The following NRP1 variants were observed in gnomAD, a reference collection of about 807,000 sequenced individuals.
NRP1 encodes neuropilin 1, also known as neuropilin-1.
Under a neutral mutation model 106.7 loss-of-function variants are expected in NRP1, and 35 were observed. That is an observed-to-expected ratio of 0.33 (90% CI 0.25 to 0.43). NRP1 has a LOEUF of 0.43. Among genes scored for constraint, NRP1 ranks in the 20% least tolerant of loss-of-function variants. The probability of loss-of-function intolerance (pLI) is 1.00; values close to 1 mark genes in which losing one functional copy is unlikely to be tolerated. For missense variants in NRP1, 1,024 were observed against 1,170.4 expected, an observed-to-expected ratio of 0.87 and a Z score of 1.83; for synonymous variants, 437 against 417.9, an observed-to-expected ratio of 1.05 and a Z score of -0.56.
chr10:33,221,150 G>A (rs1839212688), intron 8 of NRP1, among the ~76,000 whole-genome samples: 1 of 152,260 alleles, frequency 6.6e-6, no homozygotes, highest in Non-Finnish European at 1.5e-5. Flanking sequence ...GGTTGAGGGT[G>A]CAGTGAGCTA....
chr10:33,310,047 A>C (rs1036334435), intron 2 of NRP1, among the ~76,000 whole-genome samples: 3 of 150,032 alleles, frequency 2.0e-5, no homozygotes. Context: ...TCCCGGGTTC[A>C]CGCCATTCTC....
chr10:33,328,656 C>G (rs1180136460), intron 2 of NRP1, among the ~76,000 whole-genome samples: 1 of 152,182 alleles, frequency 6.6e-6, no homozygotes, highest in Non-Finnish European at 1.5e-5. Flanking sequence ...CTCATAAGAA[C>G]CAACTGTGCA....
At chr10:33,297,927 A>G (rs140175122) in intron 2 of NRP1, among the ~76,000 whole-genome samples, 1 of 150,670 alleles carries the variant, frequency 6.6e-6, no homozygotes, top group African/African-American at 2.5e-5. Context: ...GAAAAAAAAA[A>G]TCCCCTGGAA....
chr10:33,290,972 T>C (rs1844952731), intron 2 of NRP1, among the ~76,000 whole-genome samples: 1 of 152,170 alleles, frequency 6.6e-6, no homozygotes, highest in South Asian at 2.1e-4. Flanking sequence ...CAGCCCTGCG[T>C]GTTCTTTGCC....
chr10:33,287,872 A>G (rs551221993), intron 2 of NRP1, among the ~76,000 whole-genome samples: 1 of 152,224 alleles, frequency 6.6e-6, no homozygotes, highest in East Asian at 1.9e-4. Context: ...GCTGAAGATC[A>G]TTTGAGGACA....
At chr10:33,307,244 G>A (rs1446550502) in intron 2 of NRP1, among the ~76,000 whole-genome samples, 1 of 152,166 alleles carries the variant, frequency 6.6e-6, no homozygotes, top group East Asian at 1.9e-4. Context: ...TTAAGACAGA[G>A]GTCAGCAAAC....
intron 6 of NRP1, among the ~76,000 whole-genome samples, chr10:33,244,162 G>A (rs1564416944): frequency 6.6e-6 from 1 of 152,124 alleles, no homozygotes; most frequent in African/African-American, 2.4e-5. Context: ...GGAGAAGGTG[G>A]CTGTGGATGT....
At chr10:33,257,722 G>C (rs752581904) in intron 4 of NRP1, among the ~76,000 whole-genome samples, 1 of 152,128 alleles carries the variant, frequency 6.6e-6, no homozygotes. Context: ...TGAGTAAACT[G>C]GAAATTGCCT....
chr10:33,213,084 C>T, intron 9 of NRP1: 1 of 673,894 alleles, frequency 1.5e-6, no homozygotes. Flanking sequence ...TGAGCGCTGG[C>T]TGGATGGCTG....
At chr10:33,267,096 C>T (rs1272948579) in intron 3 of NRP1, among the ~76,000 whole-genome samples, 1 of 152,162 alleles carries the variant, frequency 6.6e-6, no homozygotes, top group Non-Finnish European at 1.5e-5. Context: ...TGCTCCTGCT[C>T]CGGCCATTGT....
chr10:33,236,264 T>C (rs1840546779), intron 6 of NRP1, among the ~76,000 whole-genome samples: 1 of 152,176 alleles, frequency 6.6e-6, no homozygotes, highest in Admixed American at 6.5e-5. Context: ...TATGCTACAG[T>C]TTTAAAACAA....
At chr10:33,305,421 G>A (rs1846079678) in intron 2 of NRP1, among the ~76,000 whole-genome samples, 1 of 152,160 alleles carries the variant, frequency 6.6e-6, no homozygotes, top group South Asian at 2.1e-4. Context: ...GCTGCAAAAT[G>A]GGTGCATGCA....
intron 3 of NRP1, among the ~76,000 whole-genome samples, chr10:33,270,076 A>G (rs7907166): frequency 0.63 from 96,030 of 151,962 alleles, 30,910 homozygotes; most frequent in African/African-American, 0.74. Context: ...CTGGTCCCTG[A>G]TGCCAAAAAG....
chr10:33,266,458 A>T (rs10827223), intron 3 of NRP1, among the ~76,000 whole-genome samples: 24,354 of 152,120 alleles, frequency 0.16, 2,239 homozygotes, highest in East Asian at 0.47. Context: ...GAATTTGAAA[A>T]CTAAAATCTC....
Position 33,249,515 on chromosome 10 carries a change from C to A in NRP1, c.981+4513G>T, listed in dbSNP as rs564687837. 7 of 531,140 alleles carry A rather than the reference C, an allele frequency of 1.3e-5. No homozygotes were observed. In the Admixed American group the frequency reaches 1.4e-4, roughly 10 times the overall value. The allele number at this position is 531,140 out of a possible 1,614,324, so 32.9% of individuals were successfully genotyped here. ...TGTGCTTGAAGAGGAAGATTTTGAT[C>A]GCACCACTGATACACGGAGTCTGTA... On this transcript the variant is annotated intron_variant, in intron 6 of 16. Transcript: ENST00000374867.
chr10:33,266,394 C>T (rs1415479726), intron 3 of NRP1, among the ~76,000 whole-genome samples: 1 of 152,158 alleles, frequency 6.6e-6, no homozygotes. Context: ...TGGGTGGCCT[C>T]TCAACATTTC....
At chr10:33,270,066 C>G (rs576134881) in intron 3 of NRP1, among the ~76,000 whole-genome samples, 13 of 152,128 alleles carry the variant, frequency 8.5e-5, no homozygotes, top group Non-Finnish European at 1.8e-4. Context: ...TTCCATGAAG[C>G]TGGTCCCTGA....
chr10:33,203,921 T>A (rs1485917466), intron 10 of NRP1, among the ~76,000 whole-genome samples: 1 of 87,802 alleles, frequency 1.1e-5, no homozygotes, highest in Non-Finnish European at 2.7e-5. Context: ...TTTGTATTTT[T>A]AGTAGAGACG....
chr10:33,330,570 GACATATAA>G (rs1848204797), intron 2 of NRP1, 130 bp downstream of exon 2: 1 of 593,604 alleles, frequency 1.7e-6, no homozygotes, highest in African/African-American at 1.9e-5. Flanking sequence ...CCATACCATT[GACATATAA>G]TCTGGCTGAG....
Sources: allele counts gnomAD v4.1 joint callset (sites outside exome capture counted in the v4.1 genomes callset), GRCh38; gene constraint gnomAD v4.1.1; transcripts MANE v1.5; gene names NCBI Gene and HGNC (gene_info 2026-07-23, HGNC 2026-07-21).